The following NCS1 variants were observed in gnomAD, a reference collection of about 807,000 sequenced individuals.
NCS1 encodes frequenin homolog.
In NCS1, 6 loss-of-function variants were observed where a neutral mutation model predicts 28.4. The ratio of observed to expected loss-of-function variants is 0.21; its 90% CI spans 0.12 to 0.42. NCS1 has a LOEUF of 0.42. Ranked by LOEUF, NCS1 falls within the 10% of genes least tolerant of loss-of-function variation. The pLI, the probability that NCS1 is intolerant of heterozygous loss-of-function variation, is 1.00. For synonymous variants in NCS1, 86 were observed against 99.3 expected (o/e 0.87, Z 0.79); for missense variants, 131 against 241.4 (o/e 0.54, Z 3.03).
chr9:130,230,787 C>A (rs1003610081), intron 7 of NCS1, among the ~76,000 whole-genome samples: 3 of 85,078 alleles, frequency 3.5e-5, no homozygotes, highest in Non-Finnish European at 4.4e-5. Flanking sequence ...AATCTTGTAC[C>A]ATCTGTGCCC....
In NCS1 at chr9:130,236,662, A is replaced by G. The variant is rs1354609494; in HGVS notation, c.*3690A>G. 1 of 151,996 alleles carries G rather than the reference A, an allele frequency of 6.6e-6. No individual in the cohort carries two copies. The highest frequency in any genetic ancestry group is 2.4e-5 in the African/African-American group (1 of 41,202). The allele number at this position is 151,996 out of a possible 1,614,324, so 9.4% of individuals were successfully genotyped here. On this transcript the variant is annotated 3_prime_UTR_variant, in exon 8 of 8. Coordinates refer to ENST00000372398, the MANE Select transcript of NCS1 (RefSeq NM_014286.4). ...CCATCTTCTGTCTTGGCATCTTAGC[A>G]TCCAGGCTCAGGCTCTGCCCCTTCT...
intron 1 of NCS1, among the ~76,000 whole-genome samples, chr9:130,187,399 G>T (rs552521068): frequency 6.6e-6 from 1 of 152,104 alleles, no homozygotes; most frequent in Non-Finnish European, 1.5e-5. Flanking sequence ...TCCACCCTCC[G>T]CTCTTAAAGG....
chr9:130,216,582 G>A (rs1554909413), intron 2 of NCS1, among the ~76,000 whole-genome samples: 2 of 152,078 alleles, frequency 1.3e-5, no homozygotes, highest in African/African-American at 4.8e-5. Context: ...TGGGTGTGGT[G>A]GTACATGCCT....
At chr9:130,227,950 G>A (rs548911466) in intron 7 of NCS1, among the ~76,000 whole-genome samples, 7 of 152,174 alleles carry the variant, frequency 4.6e-5, no homozygotes, top group Non-Finnish European at 8.8e-5. Context: ...CCATTGGCCA[G>A]GGCTGTGGTC....
Position 130,231,231 on chromosome 9 carries a change from G to A in NCS1, c.*18-1759G>A, listed in dbSNP as rs1022440204. Among the ~76,000 whole-genome samples the A allele has an allele frequency of 4.0e-5, 6 of 151,776 alleles. No individual in the cohort carries two copies. The East Asian group carries it at 1.2e-3, about 30-fold the overall frequency. On this transcript the variant is annotated intron_variant, in intron 7 of 7. Coordinates refer to ENST00000372398, the MANE Select transcript of NCS1 (RefSeq NM_014286.4). ...CTGGGTGTGGTGGCGGGTGCCTGTA[G>A]TCCCACCTACTTAGGGGTGCTGAGG...
chr9:130,206,205 T>G (rs73545560), intron 2 of NCS1, among the ~76,000 whole-genome samples: 2,588 of 152,218 alleles, frequency 0.017, 65 homozygotes, highest in African/African-American at 0.059. Flanking sequence ...CTTGATTGTC[T>G]TAAACTTCAC....
chr9:130,186,618 A>G lies in NCS1; in HGVS notation c.64+13891A>G, dbSNP rs1832741483. 1.3e-5 allele frequency among the ~76,000 whole-genome samples: 2 copies of G among 152,082 alleles called. No individual in the cohort carries two copies. The highest frequency in any genetic ancestry group is 6.6e-5 in the Admixed American group (1 of 15,262). ...ACCCCCAGCCCCAGGAAGGGGTGGG[A>G]GACACAGAGCTGGTCTCCATCACAG... is the stretch of plus-strand genomic sequence containing the variant. On this transcript the variant is annotated intron_variant, in intron 1 of 7. Transcript: ENST00000372398. This position sits in a 1 kb window ranked among gnomAD's most constrained non-coding sequence, Gnocchi z 4.1.
chr9:130,195,647 C>T lies in NCS1; in HGVS notation c.65-5311C>T, dbSNP rs138881295. Among the ~76,000 whole-genome samples, 501 of 152,358 alleles carry T rather than the reference C, an allele frequency of 3.3e-3. 6 individuals are homozygous for T. The highest frequency in any genetic ancestry group is 0.012 in the African/African-American group (481 of 41,588). ...CCATGTTGGCCAGGCTGGTCTCGAA[C>T]TCCTGGCCTCGAGTAATCCGCCCAC... On this transcript the variant is annotated intron_variant, in intron 1 of 7. Transcript: ENST00000372398.
Position 130,201,072 on chromosome 9 carries a change from C to G in NCS1, c.89+90C>G, listed in dbSNP as rs193142075. On this transcript the variant is annotated intron_variant, in intron 2 of 7. Coordinates refer to ENST00000372398, the MANE Select transcript of NCS1 (RefSeq NM_014286.4). ...TGATGGGGACAGCAGTCCAGCTGCT[C>G]AGGATGGGGGCATGTGGAGGGGCCC... The G allele has an allele frequency of 3.9e-3, 6,022 of 1,555,062 alleles. 139 individuals carry two copies. Among genetic ancestry groups the G allele is most frequent in the South Asian group, 0.037 (3,288 of 89,854 alleles).
At chr9:130,187,551 G>T (rs963259176) in intron 1 of NCS1, among the ~76,000 whole-genome samples, 3 of 152,170 alleles carry the variant, frequency 2.0e-5, no homozygotes, top group African/African-American at 7.2e-5. Flanking sequence ...TGCAGGAGCC[G>T]TTCTGCCCTG....
intron 2 of NCS1, among the ~76,000 whole-genome samples, chr9:130,205,012 A>T (rs553824711): frequency 4.5e-4 from 69 of 152,150 alleles, no homozygotes; most frequent in Admixed American, 8.5e-4. Flanking sequence ...AGGCCCCGAC[A>T]TACACATGAG....
Position 130,175,455 on chromosome 9 carries a change from C to T in NCS1, c.64+2728C>T, listed in dbSNP as rs1832551336. ...CGGATTTCCGATTCTTTAGGTCTGGCTGGGGCCCAGGAATTTGCATCCTTG... is the reference window on the plus strand; with the variant it reads ...CGGATTTCCGATTCTTTAGGTCTGGTTGGGGCCCAGGAATTTGCATCCTTG... On this transcript the variant is annotated intron_variant, in intron 1 of 7. Coordinates refer to ENST00000372398, the MANE Select transcript of NCS1 (RefSeq NM_014286.4). This position sits in a 1 kb window ranked among gnomAD's most constrained non-coding sequence, Gnocchi z 4.9. Among the ~76,000 whole-genome samples the T allele has an allele frequency of 6.6e-6, 1 of 152,184 alleles. No individual in the cohort carries two copies.
intron 1 of NCS1, among the ~76,000 whole-genome samples, chr9:130,176,739 G>A (rs1362182415): frequency 6.6e-6 from 1 of 152,222 alleles, no homozygotes. Flanking sequence ...TTCATTAAGT[G>A]CTCACTGTGT....
intron 1 of NCS1, among the ~76,000 whole-genome samples, chr9:130,194,521 C>G (rs371758284): frequency 2.0e-5 from 3 of 152,266 alleles, no homozygotes; most frequent in East Asian, 3.9e-4. Flanking sequence ...GCCCAGCCCC[C>G]CCTCTCCCAG....
Position 130,177,873 on chromosome 9 carries a change from G to A in NCS1, c.64+5146G>A, listed in dbSNP as rs797032137. Among the ~76,000 whole-genome samples, 27 of 152,290 alleles carry A rather than the reference G, an allele frequency of 1.8e-4. No individual in the cohort carries two copies. Among genetic ancestry groups the A allele is most frequent in the African/African-American group, 6.3e-4 (26 of 41,574 alleles). ...AGGAGGGCTCAGGGGCGAGTTCTGC[G>A]GTTCTGGCCCCTTCCTTGGGCAAAC... On this transcript the variant is annotated intron_variant, in intron 1 of 7. Transcript: ENST00000372398. This position sits in a 1 kb window ranked among gnomAD's most constrained non-coding sequence, Gnocchi z 4.4.
intron 4 of NCS1, among the ~76,000 whole-genome samples, chr9:130,222,048 TA>T (rs1833331693): frequency 4.7e-4 from 1 of 2,122 alleles, no homozygotes. Flanking sequence ...TATCTATAAA[TA>T]TATATACATA....
At chr9:130,222,114 GTATATATATATGTGTA>G (rs1833335859) in intron 4 of NCS1, among the ~76,000 whole-genome samples, 1 of 76,160 alleles carries the variant, frequency 1.3e-5, no homozygotes, top group Non-Finnish European at 2.8e-5. Flanking sequence ...ATATATATAC[GTATATATATATGTGTA>G]TATATATATA....
At chr9:130,189,873 AAAAAAAATATAT>A (rs1409734545) in intron 1 of NCS1, among the ~76,000 whole-genome samples, 2 of 96,770 alleles carry the variant, frequency 2.1e-5, no homozygotes, top group African/African-American at 6.1e-5. Context: ...AAAAAAAAAA[AAAAAAAATATAT>A]ATATATATAT....
At position 130,236,415 on chromosome 9, in the gene NCS1, G is replaced by C. The variant is rs995199529; in HGVS notation, c.*3443G>C. 19 of 152,146 alleles carry C rather than the reference G, an allele frequency of 1.2e-4. No individual in the cohort carries two copies. Among genetic ancestry groups the C allele is most frequent in the Admixed American group, 5.9e-4 (9 of 15,282 alleles). The allele number at this position is 152,146 out of a possible 1,614,324, so 9.4% of individuals were successfully genotyped here. ...GAGGCTGGAGCGGGGAGGCGAGGAG[G>C]GGGCTGTGAGTCCTCAGAGGCCCTG... On this transcript the variant is annotated 3_prime_UTR_variant, in exon 8 of 8. Coordinates refer to ENST00000372398, the MANE Select transcript of NCS1 (RefSeq NM_014286.4).
Sources: gnomAD v4.1 joint callset for allele counts (sites outside exome capture counted in the v4.1 genomes callset) on GRCh38, gnomAD v4.1.1 for gene constraint, Gnocchi (gnomAD v3.1) non-coding constraint, MANE v1.5 for transcripts, NCBI Gene and HGNC (gene_info 2026-07-23, HGNC 2026-07-21) for gene names.